The following OTOGL variants were observed in gnomAD, a reference collection of about 807,000 sequenced individuals.
The protein encoded by OTOGL is otogelin like, also known as otogelin-like protein.
Under a neutral mutation model 318.5 loss-of-function variants are expected in OTOGL, and 285 were observed. The ratio of observed to expected loss-of-function variants is 0.89; its 90% confidence interval spans 0.81 to 0.99. OTOGL has a LOEUF of 0.99. OTOGL is among the 50% of genes least tolerant of loss of function. The pLI, the probability that OTOGL is intolerant of heterozygous loss-of-function variation, is 0.00. For missense variants in OTOGL, 2,899 were observed against 2,845.6 expected (o/e 1.02, Z -0.43); for synonymous variants, 987 against 936.5 (o/e 1.05, Z -0.99).
At chr12:80,338,462 G>A (rs976818322) in intron 42 of OTOGL, among the ~76,000 whole-genome samples, 1 of 152,000 alleles carries the variant, frequency 6.6e-6, no homozygotes, top group African/African-American at 2.4e-5. Flanking sequence ...ATGGCTTCAT[G>A]TCATTGCCAT....
chr12:80,325,977 T>C (rs1887653937), intron 35 of OTOGL, among the ~76,000 whole-genome samples: 1 of 152,194 alleles, frequency 6.6e-6, no homozygotes, highest in Non-Finnish European at 1.5e-5. Context: ...TCTTTCTGTA[T>C]GTTTGGGATG....
intron 1 of OTOGL, among the ~76,000 whole-genome samples, chr12:80,126,003 T>C (rs979207675): frequency 2.0e-5 from 3 of 152,158 alleles, no homozygotes; most frequent in East Asian, 1.9e-4. Context: ...CCTGGAATCA[T>C]TGATTTTTTG....
chr12:80,371,809 A>G, intron 56 of OTOGL, among the ~76,000 whole-genome samples: 1 of 152,198 alleles, frequency 6.6e-6, no homozygotes, highest in East Asian at 1.9e-4. Flanking sequence ...CCATAGTACC[A>G]ATGTATAAAT....
intron 1 of OTOGL, among the ~76,000 whole-genome samples, chr12:80,158,802 T>C (rs1266434027): frequency 6.6e-6 from 1 of 152,152 alleles, no homozygotes; most frequent in Admixed American, 6.6e-5. Context: ...ACTTCCTCTT[T>C]ACTGATTTGG....
intron 21 of OTOGL, 61 bp downstream of exon 21, chr12:80,266,677 A>G: frequency 3.4e-6 from 5 of 1,462,696 alleles, no homozygotes; most frequent in Non-Finnish European, 4.6e-6. Context: ...CTTACGGGCT[A>G]AATGAGCTTT....
intron 1 of OTOGL, among the ~76,000 whole-genome samples, chr12:80,181,967 C>T (rs1190317921): frequency 1.3e-5 from 2 of 152,056 alleles, no homozygotes; most frequent in East Asian, 3.9e-4. Flanking sequence ...AGGTAAAGAC[C>T]AGTCTAGGCA....
chr12:80,243,894 T>C (rs1397850911), intron 11 of OTOGL, among the ~76,000 whole-genome samples: 1 of 149,098 alleles, frequency 6.7e-6, no homozygotes, highest in Admixed American at 6.7e-5. Flanking sequence ...ATTTCTGCAT[T>C]GCAGAAATTT....
intron 1 of OTOGL, among the ~76,000 whole-genome samples, chr12:80,181,331 TTC>T (rs57549257): frequency 0.019 from 2,788 of 148,920 alleles, 74 homozygotes; most frequent in African/African-American, 0.064. Flanking sequence ...TTAAATTTAC[TTC>T]TCTCTCTCTC....
Position 80,247,212 on chromosome 12 carries a change from A to C in OTOGL, c.1053-4481A>C, listed in dbSNP as rs1277320946. Among the ~76,000 whole-genome samples, 8 of 148,504 alleles carry C rather than the reference A, an allele frequency of 5.4e-5. No homozygotes were observed. In the East Asian group the frequency reaches 1.5e-3, roughly 29 times the overall value. On this transcript the variant is annotated intron_variant, in intron 11 of 58. Transcript: ENST00000547103. Reference sequence around the variant, plus strand: ...ATTTCTTGCCTTCTGTTAGCTTTTGAATGTGTTTGCTCTTGCTTTTCTAGT... The same window carrying C: ...ATTTCTTGCCTTCTGTTAGCTTTTGCATGTGTTTGCTCTTGCTTTTCTAGT...
At chr12:80,175,121 G>A (rs927259630) in intron 1 of OTOGL, among the ~76,000 whole-genome samples, 1 of 152,076 alleles carries the variant, frequency 6.6e-6, no homozygotes, top group Admixed American at 6.6e-5. Flanking sequence ...CACAGAGATG[G>A]TAAGTCTATC....
chr12:80,357,671 T>A (rs1377234063), intron 49 of OTOGL, among the ~76,000 whole-genome samples: 5 of 152,168 alleles, frequency 3.3e-5, no homozygotes, highest in Admixed American at 2.0e-4. Context: ...GAGCCAACTT[T>A]ATTTTTTTCT....
chr12:80,250,014 T>G (rs1881371935), intron 11 of OTOGL, among the ~76,000 whole-genome samples: 1 of 152,058 alleles, frequency 6.6e-6, no homozygotes, highest in Non-Finnish European at 1.5e-5. Context: ...TGCCTCGCCC[T>G]GCTTCGGCTC....
rs754117784 is a variant in OTOGL at position 80,233,044 on chromosome 12, G to C, written c.764G>C (p.Gly255Ala). 1 of 1,598,494 alleles carries C rather than the reference G, an allele frequency of 6.3e-7. No homozygotes were observed. The highest frequency in any genetic ancestry group is 1.1e-5 in the South Asian group (1 of 91,036). ...GAGGACCATAAGGGGAAATCATGTG[G>C]CCTATGTGGAAACTACAATGACATT... is the stretch of plus-strand genomic sequence containing the variant. ...LSEDHKGKSC[G>A]LCGNYNDIQS... Residue 255 changes from glycine to alanine, a missense_variant, in exon 9 of 59, where the codon GGC becomes GCC. This residue lies in a region of OTOGL where 2,607 missense variants were observed against 2,524.9 expected (regional missense o/e 1.03). Transcript: ENST00000547103.
chr12:80,237,021 G>A (rs1239860224), intron 9 of OTOGL, among the ~76,000 whole-genome samples: 1 of 151,574 alleles, frequency 6.6e-6, no homozygotes, highest in Admixed American at 6.6e-5. Context: ...CACCGTGTTG[G>A]CCAGGCCAGT....
At chr12:80,131,544 C>A (rs1289068088) in intron 1 of OTOGL, among the ~76,000 whole-genome samples, 1 of 152,168 alleles carries the variant, frequency 6.6e-6, no homozygotes, top group African/African-American at 2.4e-5. Context: ...CTATGAGAAT[C>A]ACCTGCATGT....
rs11343611 is a variant in OTOGL at position 80,355,224 on chromosome 12, C to CTTTTTTT, written c.5594-508_5594-507insTTTTTTT. The stretch of plus-strand genomic sequence containing the variant: ...ACTTTTTTCTTTTCTTTCTTTCTTT[C>CTTTTTTT]TTTTCTTTTTTTTTTTTTTTTTTTG... On this transcript the variant is annotated intron_variant, in intron 46 of 58. Transcript: ENST00000547103. 4.3e-4 allele frequency among the ~76,000 whole-genome samples: 28 copies of CTTTTTTT among 65,616 alleles called. 2 individuals carry two copies. Among genetic ancestry groups the CTTTTTTT allele is most frequent in the Admixed American group, 1.0e-3 (6 of 5,828 alleles). The allele number at this position is 65,616 out of a possible 152,430, so 43.0% of individuals were successfully genotyped here.
At chr12:80,281,499 A>G (rs918837487) in intron 26 of OTOGL, among the ~76,000 whole-genome samples, 3 of 151,898 alleles carry the variant, frequency 2.0e-5, no homozygotes, top group Non-Finnish European at 4.4e-5. Flanking sequence ...AATCACATTT[A>G]TTGATTTGTG....
intron 7 of OTOGL, among the ~76,000 whole-genome samples, chr12:80,227,820 A>G (rs934847748): frequency 6.6e-6 from 1 of 152,006 alleles, no homozygotes; most frequent in Non-Finnish European, 1.5e-5. Context: ...CTTTACTAGA[A>G]GTTCATCTTT....
intron 26 of OTOGL, among the ~76,000 whole-genome samples, chr12:80,282,925 T>G (rs1021021222): frequency 3.3e-5 from 5 of 151,960 alleles, no homozygotes; most frequent in African/African-American, 1.2e-4. Context: ...GATGACTGAT[T>G]TGGTTCCTTC....
Sources: allele counts gnomAD v4.1 joint callset (sites outside exome capture counted in the v4.1 genomes callset), GRCh38; gene constraint gnomAD v4.1.1; regional missense constraint gnomAD v4.1.1; transcripts MANE v1.5; gene names NCBI Gene and HGNC (gene_info 2026-07-23, HGNC 2026-07-21).